The following DNAI7 variants were observed in gnomAD, a reference collection of about 807,000 sequenced individuals.
DNAI7 encodes dynein axonemal intermediate chain 7.
In DNAI7, 78 loss-of-function variants were observed where a neutral mutation model predicts 86.6. The ratio of observed to expected loss-of-function variants is 0.90; its 90% confidence interval spans 0.75 to 1.09. The LOEUF is 1.09. Ranked by LOEUF, DNAI7 falls within the 50% of genes least tolerant of loss-of-function variation. The pLI, the probability that DNAI7 is intolerant of heterozygous loss-of-function variation, is 0.00. For synonymous variants in DNAI7, 274 were observed against 273.0 expected, an observed-to-expected ratio of 1.00 and a Z score of -0.04; for missense variants, 753 against 810.2, an observed-to-expected ratio of 0.93 and a Z score of 0.86.
intron 2 of DNAI7, among the ~76,000 whole-genome samples, chr12:25,166,230 T>A (rs766799348): frequency 6.6e-6 from 1 of 152,084 alleles, no homozygotes; most frequent in Non-Finnish European, 1.5e-5. Context: ...TCCTTACAAT[T>A]CCCCAATTTT....
intron 1 of DNAI7, chr12:25,194,843 T>C (rs749179161): frequency 6.3e-7 from 1 of 1,595,826 alleles, no homozygotes; most frequent in Non-Finnish European, 8.6e-7. Context: ...GTGTGACAGC[T>C]TTGACCATCT....
chr12:25,157,890 G>A (rs1946382259), intron 4 of DNAI7, among the ~76,000 whole-genome samples: 1 of 149,820 alleles, frequency 6.7e-6, no homozygotes, highest in Non-Finnish European at 1.5e-5. Flanking sequence ...ATTCATGTAT[G>A]CTTAAAGGTT....
chr12:25,132,059 G>C (rs1165731435), intron 9 of DNAI7, among the ~76,000 whole-genome samples: 3 of 152,030 alleles, frequency 2.0e-5, no homozygotes, highest in African/African-American at 7.2e-5. Context: ...GTTAGGTACA[G>C]GGATTATTCG....
intron 10 of DNAI7, 35 bp downstream of exon 10, chr12:25,123,176 A>G (rs775361961): frequency 7.4e-7 from 1 of 1,356,278 alleles, no homozygotes. Context: ...GAAAATCTCA[A>G]TAAAGTTAAA....
At chr12:25,120,835 A>G (rs1416887501) in intron 11 of DNAI7, among the ~76,000 whole-genome samples, 1 of 152,250 alleles carries the variant, frequency 6.6e-6, no homozygotes, top group Non-Finnish European at 1.5e-5. Flanking sequence ...AACAACTATT[A>G]TCACCAAAGT....
chr12:25,158,521 A>G lies in DNAI7; in HGVS notation c.149T>C (p.Leu50Pro), dbSNP rs143690815. 48 of 1,613,038 alleles carry G rather than the reference A, an allele frequency of 3.0e-5. No individual in the cohort carries two copies. The highest frequency in any genetic ancestry group is 3.9e-5 in the Non-Finnish European group (46 of 1,179,744). Residue 50 changes from leucine (L) to proline (P), a missense_variant, in exon 4 of 16, where the codon CTT (leucine) becomes CCT (proline). By Grantham distance (98) the Leu-to-Pro change is moderately conservative. Coordinates refer to ENST00000395987, the MANE Select transcript of DNAI7 (RefSeq NM_018272.5). ...TTCTTTCTCAATTCGCTGTATTTCA[A>G]GCCTTTCCATTTCTTCTTTCTCATA... is the stretch of plus-strand genomic sequence containing the variant. ...LKYEKEEMER[L>P]EIQRIEKEKW...
chr12:25,120,341 A>AGAGAGAGAGAGAGAGAGAGAGAGAGAGG (rs1565643140), intron 11 of DNAI7, among the ~76,000 whole-genome samples: 3 of 148,810 alleles, frequency 2.0e-5, no homozygotes, highest in Non-Finnish European at 3.0e-5. Context: ...AGAGAGAGAG[A>AGAGAGAGAGAGAGAGAGAGAGAGAGAGG]GGAAGGAAGG....
Position 25,111,930 on chromosome 12 carries a change from A to C in DNAI7, c.1621T>G (p.Cys541Gly). Reference protein sequence around the residue: ...EIQIQIKENLCMLSSIKLKDK... With the variant: ...EIQIQIKENLGMLSSIKLKDK... The stretch of plus-strand genomic sequence containing the variant: ...TTTAGTTTGATTGAAGATAACATGC[A>C]GAGGTTTTCCTAGTTTAAATAAGAA... Residue 541 changes from cysteine to glycine, a missense_variant, in exon 14 of 16, where the codon TGC becomes GGC. Physicochemically the swap from Cys to Gly is radical, Grantham distance 159. Transcript: ENST00000395987. 1 of 1,582,706 alleles carries C rather than the reference A, an allele frequency of 6.3e-7. No homozygotes were observed. The highest frequency in any genetic ancestry group is 8.6e-7 in the Non-Finnish European group (1 of 1,167,722).
At chr12:25,129,296 G>C (rs901495611) in intron 9 of DNAI7, among the ~76,000 whole-genome samples, 2 of 152,044 alleles carry the variant, frequency 1.3e-5, no homozygotes, top group Non-Finnish European at 2.9e-5. Flanking sequence ...ATTTATTGTT[G>C]ATTTCTCCTA....
intron 2 of DNAI7, among the ~76,000 whole-genome samples, chr12:25,178,862 G>A (rs1340614809): frequency 6.6e-6 from 1 of 151,842 alleles, no homozygotes; most frequent in African/African-American, 2.4e-5. Context: ...TTCTATTAAT[G>A]TCCATATTTG....
Position 25,158,528 on chromosome 12 carries a change from C to A in DNAI7, c.142G>T (p.Glu48Ter), listed in dbSNP as rs1946472179. 1.2e-6 allele frequency: 2 copies of A among 1,612,886 alleles called. No homozygotes were observed. The highest frequency in any genetic ancestry group is 2.7e-5 in the African/African-American group (2 of 74,864). ...TCAATTCGCTGTATTTCAAGCCTTT[C>A]CATTTCTTCTTTCTCATATTTCAAA... ...ARLKYEKEEM[E>*]RLEIQRIEKE... The change falls in exon 4 of 16, where the codon GAA becomes TAA. Residue 48 changes from glutamate to a stop codon, truncating the protein, a stop_gained. Transcript: ENST00000395987. LOFTEE classifies it high-confidence loss of function.
intron 6 of DNAI7, among the ~76,000 whole-genome samples, chr12:25,151,233 G>A (rs4280085): frequency 4.6e-5 from 7 of 152,164 alleles, no homozygotes; most frequent in African/African-American, 1.7e-4. Context: ...TTGGAAAAAT[G>A]GGGTTTTTAG....
At chr12:25,193,604 C>T (rs565440346) in intron 1 of DNAI7, among the ~76,000 whole-genome samples, 2 of 152,278 alleles carry the variant, frequency 1.3e-5, no homozygotes, top group African/African-American at 2.4e-5. Flanking sequence ...CTGGAATCTG[C>T]ATTTTTAACA....
chr12:25,119,153 T>G lies in DNAI7; in HGVS notation c.1388A>C (p.Asp463Ala). Reference protein sequence around the residue: ...FFEDPVVVRWDAEGKHWRTDG... With the variant: ...FFEDPVVVRWAAEGKHWRTDG... Reference sequence around the variant, plus strand: ...AATTATAAAAGCTGTACCTTCAGCATCCCACCTTACAACCACAGGATCCTC... The same window carrying G: ...AATTATAAAAGCTGTACCTTCAGCAGCCCACCTTACAACCACAGGATCCTC... Residue 463 changes from aspartate (D) to alanine (A), a missense_variant, in exon 12 of 16, where the codon GAT (aspartate) becomes GCT (alanine). By Grantham distance (126) the Asp-to-Ala change is moderately radical. Transcript: ENST00000395987. 1 of 1,600,054 alleles carries G rather than the reference T, an allele frequency of 6.2e-7. No homozygotes were observed. The highest frequency in any genetic ancestry group is 8.5e-7 in the Non-Finnish European group (1 of 1,176,168).
At chr12:25,163,012 C>T (rs1412296082) in intron 2 of DNAI7, among the ~76,000 whole-genome samples, 2 of 152,372 alleles carry the variant, frequency 1.3e-5, no homozygotes, top group Admixed American at 1.3e-4. Flanking sequence ...AGGGAGCGAT[C>T]TGCTCCTGTA....
chr12:25,123,089 G>A, intron 10 of DNAI7, 122 bp downstream of exon 10: 1 of 639,026 alleles, frequency 1.6e-6, no homozygotes, highest in South Asian at 2.0e-5. Flanking sequence ...AAGGGACTAT[G>A]AAGAATTTTC....
intron 4 of DNAI7, among the ~76,000 whole-genome samples, chr12:25,157,385 A>C (rs1946313298): frequency 6.6e-6 from 1 of 152,102 alleles, no homozygotes; most frequent in African/African-American, 2.4e-5. Flanking sequence ...TATCTGTATA[A>C]GGCCAGATTT....
At chr12:25,173,820 T>C (rs1948412445) in intron 2 of DNAI7, among the ~76,000 whole-genome samples, 1 of 145,722 alleles carries the variant, frequency 6.9e-6, no homozygotes, top group African/African-American at 2.6e-5. Context: ...TATATATACA[T>C]CATATATATA....
chr12:25,182,033 A>ATT (rs36047649), intron 2 of DNAI7, among the ~76,000 whole-genome samples: 1 of 147,198 alleles, frequency 6.8e-6, no homozygotes. Flanking sequence ...AAGAAAAGAA[A>ATT]TTTTTTTTTT....
Sources: allele counts gnomAD v4.1 joint callset (sites outside exome capture counted in the v4.1 genomes callset), GRCh38; gene constraint gnomAD v4.1.1; transcripts MANE v1.5; gene names NCBI Gene and HGNC (gene_info 2026-07-23, HGNC 2026-07-21).